RAD52: variants seen among roughly 807,000 people sequenced by gnomAD.
RAD52 encodes DNA repair protein RAD52 homolog.
RAD52 carries 47 observed loss-of-function variants against 55.5 expected under a neutral mutation model. The ratio of observed to expected loss-of-function variants is 0.85; its 90% CI spans 0.67 to 1.08. RAD52 has a LOEUF of 1.08. RAD52 is among the 50% of genes least tolerant of loss of function. The pLI is 0.00. For synonymous variants in RAD52, 184 were observed against 198.9 expected, an observed-to-expected ratio of 0.92 and a Z score of 0.63; for missense variants, 468 against 522.8, an observed-to-expected ratio of 0.90 and a Z score of 1.02.
At chr12:989,687 C>T (rs1959153591) in intron 1 of RAD52, 1 of 152,232 alleles carries the variant, frequency 6.6e-6, no homozygotes, top group Non-Finnish European at 1.5e-5. Context: ...ACACCTACTT[C>T]AAACCTCACT....
In RAD52 at chr12:915,270, C is replaced by G. The variant is rs549295034; in HGVS notation, c.866-738G>C. Among the ~76,000 whole-genome samples, 4 of 152,352 alleles carry G rather than the reference C, an allele frequency of 2.6e-5. 1 individual carries two copies. In the South Asian group the frequency reaches 8.3e-4, roughly 32 times the overall value. On this transcript the variant is annotated intron_variant, in intron 9 of 11. Transcript: ENST00000358495. ...TCCTCCACAATCTACCCGGGAGCTT[C>G]TGCAATGGTTAAGAAGCTAAACACC...
intron 7 of RAD52, among the ~76,000 whole-genome samples, chr12:922,132 A>G (rs1956761792): frequency 1.7e-4 from 1 of 5,732 alleles, no homozygotes; most frequent in Admixed American, 1.3e-3. Context: ...CAACATCACT[A>G]ATCATCAGGG....
intron 1 of RAD52, among the ~76,000 whole-genome samples, chr12:979,269 G>A (rs916541404): frequency 5.9e-5 from 9 of 152,054 alleles, no homozygotes; most frequent in Non-Finnish European, 1.3e-4. Flanking sequence ...GCGAAACCCC[G>A]TCTCTACTAA....
At chr12:977,577 A>G (rs1018952220) in intron 1 of RAD52, among the ~76,000 whole-genome samples, 1 of 152,160 alleles carries the variant, frequency 6.6e-6, no homozygotes, top group African/African-American at 2.4e-5. Context: ...CAGTCACCTG[A>G]TAGTTGTCTG....
chr12:981,192 A>T (rs903611282), intron 1 of RAD52, among the ~76,000 whole-genome samples: 2 of 150,886 alleles, frequency 1.3e-5, no homozygotes, highest in African/African-American at 4.9e-5. Context: ...AATTAGCCAG[A>T]TGTGGGGGCA....
At chr12:967,409 T>C (rs968026282) in intron 1 of RAD52, among the ~76,000 whole-genome samples, 4 of 149,874 alleles carry the variant, frequency 2.7e-5, no homozygotes, top group South Asian at 2.1e-4. Flanking sequence ...TCACAAAACA[T>C]ATAAGTACAA....
At chr12:913,840 G>T in intron 11 of RAD52, 54 bp downstream of exon 11, 1 of 1,504,596 alleles carries the variant, frequency 6.6e-7, no homozygotes. Flanking sequence ...AAAATTCCCA[G>T]AATTAAAGCT....
At chr12:914,620 AG>A in intron 9 of RAD52, 88 bp from the exon 10 acceptor site, 1 of 1,510,520 alleles carries the variant, frequency 6.6e-7, no homozygotes, top group Non-Finnish European at 9.0e-7. Flanking sequence ...CTCTTGTTAG[AG>A]GGAACACTCT....
At chr12:924,123 A>T (rs938447083) in intron 7 of RAD52, among the ~76,000 whole-genome samples, 3 of 142,538 alleles carry the variant, frequency 2.1e-5, no homozygotes, top group Non-Finnish European at 4.6e-5. Flanking sequence ...AAAATGCCTA[A>T]CAAAGGCCGG....
At chr12:972,171 C>T (rs1352378682) in intron 1 of RAD52, among the ~76,000 whole-genome samples, 1 of 152,100 alleles carries the variant, frequency 6.6e-6, no homozygotes, top group Non-Finnish European at 1.5e-5. Context: ...GTGCCTATTA[C>T]GTTCCAAGCA....
At chr12:971,929 T>C (rs1268955883) in intron 1 of RAD52, among the ~76,000 whole-genome samples, 1 of 152,138 alleles carries the variant, frequency 6.6e-6, no homozygotes, top group Non-Finnish European at 1.5e-5. Context: ...TTTGTATTTT[T>C]AGTAGAGACG....
intron 1 of RAD52, among the ~76,000 whole-genome samples, chr12:979,877 C>T (rs2154121760): frequency 6.6e-6 from 1 of 152,202 alleles, no homozygotes; most frequent in Middle Eastern, 3.4e-3. Flanking sequence ...GAAACCCCAT[C>T]TCTACTAAAA....
At chr12:946,386 A>C (rs149195563) in intron 1 of RAD52, among the ~76,000 whole-genome samples, 103 of 152,270 alleles carry the variant, frequency 6.8e-4, no homozygotes, top group African/African-American at 2.1e-3. Context: ...TGAACACTGA[A>C]CTAGCAAATA....
At chr12:979,281 C>T (rs1179055211) in intron 1 of RAD52, among the ~76,000 whole-genome samples, 1 of 152,010 alleles carries the variant, frequency 6.6e-6, no homozygotes, top group Non-Finnish European at 1.5e-5. Flanking sequence ...CTCTACTAAA[C>T]ATACAAAGAT....
intron 1 of RAD52, among the ~76,000 whole-genome samples, chr12:945,720 G>A (rs922627585): frequency 5.4e-5 from 8 of 148,260 alleles, no homozygotes; most frequent in Non-Finnish European, 8.9e-5. Context: ...ACAGGCATAA[G>A]CCACCACACC....
At chr12:952,634 C>T (rs991356951), upstream of RAD52, among the ~76,000 whole-genome samples, 16 of 151,608 alleles carry the variant, frequency 1.1e-4, no homozygotes, top group Non-Finnish European at 1.5e-4. Context: ...CCTCACACCT[C>T]CCAACACTTT....
chr12:914,356 A>G, intron 10 of RAD52, 75 bp downstream of exon 10: 2 of 1,573,938 alleles, frequency 1.3e-6, no homozygotes, highest in Non-Finnish European at 1.7e-6. Flanking sequence ...GAGGATTTTT[A>G]TGTCGCCTAA....
intron 1 of RAD52, among the ~76,000 whole-genome samples, chr12:940,324 C>T (rs959338725): frequency 2.0e-5 from 3 of 151,878 alleles, no homozygotes; most frequent in Non-Finnish European, 4.4e-5. Context: ...GTTGGCCGGG[C>T]GCGGTGGCTC....
rs776038607 is a variant in RAD52 at position 912,173 on chromosome 12, C to T, written c.*1218G>A. The T allele has an allele frequency of 5.1e-5, 10 of 196,392 alleles. No individual in the cohort carries two copies. The highest frequency in any genetic ancestry group is 6.9e-5 in the African/African-American group (3 of 43,174). The allele number at this position is 196,392 out of a possible 1,614,324, so 12.2% of individuals were successfully genotyped here. A position where few individuals can be genotyped will look rare whatever the true frequency, so the allele number is the denominator to read the frequency against. ...GTAGAAACAGTTGCGTTTGAGCATC[C>T]CTAATTGAAATGCTCTGAGATCAGA... On this transcript the variant is annotated 3_prime_UTR_variant, in exon 12 of 12. Coordinates refer to ENST00000358495, the MANE Select transcript of RAD52 (RefSeq NM_134424.4).
Sources: allele counts gnomAD v4.1 joint callset (sites outside exome capture counted in the v4.1 genomes callset), GRCh38; gene constraint gnomAD v4.1.1; transcripts MANE v1.5; gene names NCBI Gene and HGNC (gene_info 2026-07-23, HGNC 2026-07-21).